YIPF6: variants seen among roughly 807,000 people sequenced by gnomAD.
The protein encoded by YIPF6 is Yip1 domain family member 6.
A neutral mutation model predicts 16.8 loss-of-function variants in YIPF6; 3 were observed. That is an observed-to-expected ratio of 0.18 (90% CI 0.08 to 0.46). The LOEUF is 0.46. Among genes scored for constraint, YIPF6 ranks in the 20% least tolerant of loss-of-function variants. YIPF6 has a pLI of 0.98. For synonymous variants in YIPF6, 67 were observed against 61.9 expected, an observed-to-expected ratio of 1.08 and a Z score of -0.38; for missense variants, 145 against 184.9, an observed-to-expected ratio of 0.78 and a Z score of 1.25.
intron 6 of YIPF6, among the ~76,000 whole-genome samples, chrX:68,531,249 C>T (rs902353567): frequency 5.4e-5 from 6 of 110,907 alleles, no homozygotes; most frequent in Non-Finnish European, 1.1e-4. Flanking sequence ...CTCAGCCACC[C>T]GAGTAGCTGG....
chrX:68,512,577 A>T (rs1021367112), intron 2 of YIPF6, among the ~76,000 whole-genome samples: 6 of 112,486 alleles, frequency 5.3e-5, no homozygotes, highest in Non-Finnish European at 1.1e-4. Flanking sequence ...TTAAAGTATC[A>T]ATATACAAAG....
intron 1 of YIPF6, among the ~76,000 whole-genome samples, chrX:68,503,150 C>T (rs760174899): frequency 2.7e-5 from 3 of 112,149 alleles, no homozygotes; most frequent in Non-Finnish European, 3.8e-5. Context: ...CCCCGTCATC[C>T]ACTCCTGGGA....
At chrX:68,523,141 A>T (rs1602466047) in intron 6 of YIPF6, among the ~76,000 whole-genome samples, 1 of 98,505 alleles carries the variant, frequency 1.0e-5, no homozygotes, top group Non-Finnish European at 2.1e-5. Flanking sequence ...TTCTTTCTTT[A>T]AAAAAAAAAA....
chrX:68,525,804 G>T (rs2079145478), intron 6 of YIPF6, among the ~76,000 whole-genome samples: 1 of 111,406 alleles, frequency 9.0e-6, no homozygotes, highest in Non-Finnish European at 1.9e-5. Flanking sequence ...TGGATGGGAG[G>T]CATTATTTCT....
chrX:68,532,511 G>A lies in YIPF6; in HGVS notation c.*512G>A, dbSNP rs2147828838. 9.2e-6 allele frequency: 1 copy of A among 108,888 alleles called. No individual in the cohort carries two copies. Among genetic ancestry groups the A allele is most frequent in the East Asian group, 2.9e-4 (1 of 3,464 alleles). The allele number at this position is 108,888 out of a possible 1,213,427, so 9.0% of individuals were successfully genotyped here. On this transcript the variant is annotated 3_prime_UTR_variant, in exon 7 of 7. Coordinates refer to ENST00000462683, the MANE Select transcript of YIPF6 (RefSeq NM_173834.4). ...TTAAGCTTAAAAAGGCAATGAGAGAGGTTAGGAGTGGGTTCATACACGGAG... is the reference window on the plus strand; with the variant it reads ...TTAAGCTTAAAAAGGCAATGAGAGAAGTTAGGAGTGGGTTCATACACGGAG...
intron 1 of YIPF6, 62 bp downstream of exon 1, chrX:68,499,185 C>T (rs1464834349): frequency 3.6e-6 from 4 of 1,124,060 alleles, no homozygotes; most frequent in Non-Finnish European, 4.7e-6. Context: ...CTAAAGAAGT[C>T]GGGGGACGGG....
intron 6 of YIPF6, among the ~76,000 whole-genome samples, chrX:68,531,273 C>T (rs975397348): frequency 3.6e-5 from 4 of 110,550 alleles, no homozygotes; most frequent in Non-Finnish European, 7.6e-5. Flanking sequence ...TACAGGTGCC[C>T]GCCACCACAC....
At chrX:68,528,060 C>T (rs1430794708) in intron 6 of YIPF6, among the ~76,000 whole-genome samples, 1 of 111,629 alleles carries the variant, frequency 9.0e-6, no homozygotes, top group African/African-American at 3.3e-5. Flanking sequence ...TCTCGTCTAT[C>T]TGTCTAATAT....
intron 3 of YIPF6, among the ~76,000 whole-genome samples, chrX:68,516,389 A>G (rs1254923359): frequency 9.0e-6 from 1 of 111,388 alleles, no homozygotes; most frequent in African/African-American, 3.3e-5. Context: ...CACGTGAGTA[A>G]TGTGTTGTAC....
chrX:68,530,513 TA>T (rs752572532), intron 6 of YIPF6, among the ~76,000 whole-genome samples: 1 of 109,482 alleles, frequency 9.1e-6, no homozygotes, highest in East Asian at 2.9e-4. Flanking sequence ...CACTAGGGTA[TA>T]AAAAAAAACT....
chrX:68,530,256 T>C (rs2079165845), intron 6 of YIPF6, among the ~76,000 whole-genome samples: 1 of 111,382 alleles, frequency 9.0e-6, no homozygotes, highest in East Asian at 2.9e-4. Context: ...TGTGGCTTTC[T>C]TTACACTGTG....
chrX:68,525,857 T>G (rs1014207302), intron 6 of YIPF6, among the ~76,000 whole-genome samples: 1 of 111,874 alleles, frequency 8.9e-6, no homozygotes, highest in African/African-American at 3.3e-5. Flanking sequence ...TCTGTTTTGG[T>G]ACCAGTACTG....
chrX:68,518,643 A>G (rs2079113420), intron 3 of YIPF6, 127 bp from the exon 4 acceptor site: 1 of 696,465 alleles, frequency 1.4e-6, no homozygotes, highest in East Asian at 3.7e-5. Flanking sequence ...GTGGTGGGAG[A>G]GGAGAGGTAG....
chrX:68,524,137 T>A (rs969106994), intron 6 of YIPF6, among the ~76,000 whole-genome samples: 1 of 111,267 alleles, frequency 9.0e-6, no homozygotes, highest in Non-Finnish European at 1.9e-5. Context: ...CAGACATGAT[T>A]ATTCAGGAAA....
At chrX:68,519,130 C>G (rs936478303) in intron 4 of YIPF6, among the ~76,000 whole-genome samples, 17 of 111,942 alleles carry the variant, frequency 1.5e-4, no homozygotes, top group Non-Finnish European at 1.7e-4. Flanking sequence ...TTTAAGCACC[C>G]TTTGTTTGCA....
At position 68,529,574 on chromosome X, in the gene YIPF6, G is replaced by A. The variant is rs778839960; in HGVS notation, c.593-2307G>A. Among the ~76,000 whole-genome samples the A allele has an allele frequency of 2.6e-4, 29 of 110,985 alleles. No homozygotes were observed. In the Admixed American group the frequency reaches 2.8e-3, roughly 11 times the overall value. On this transcript the variant is annotated intron_variant, in intron 6 of 6. Coordinates refer to ENST00000462683, the MANE Select transcript of YIPF6 (RefSeq NM_173834.4). Reference sequence around the variant, plus strand: ...AGACATTCTGGTTTTTGGAATTTTCGGCCTTTTTGTGCTGGTTTTTCCTCA... The same window carrying A: ...AGACATTCTGGTTTTTGGAATTTTCAGCCTTTTTGTGCTGGTTTTTCCTCA...
chrX:68,517,377 G>T lies in YIPF6; in HGVS notation c.266-1393G>T, dbSNP rs771020986. ...GCCCAGGCAGGTCTCAAACTCCTGAGCTCAGGCCATCCGCCCGCCTCGGCC... is the reference window on the plus strand; with the variant it reads ...GCCCAGGCAGGTCTCAAACTCCTGATCTCAGGCCATCCGCCCGCCTCGGCC... On this transcript the variant is annotated intron_variant, in intron 3 of 6. Transcript: ENST00000462683. Among the ~76,000 whole-genome samples the T allele has an allele frequency of 2.7e-5, 3 of 110,871 alleles. No individual in the cohort carries two copies. In the East Asian group the frequency reaches 8.7e-4, roughly 32 times the overall value.
intron 6 of YIPF6, among the ~76,000 whole-genome samples, chrX:68,525,868 T>A (rs181206726): frequency 1.8e-5 from 2 of 111,947 alleles, no homozygotes; most frequent in Admixed American, 1.9e-4. Context: ...ACCAGTACTG[T>A]GCTGTTTTGG....
intron 1 of YIPF6, among the ~76,000 whole-genome samples, chrX:68,504,303 T>C (rs1016765515): frequency 3.6e-5 from 4 of 111,284 alleles, no homozygotes; most frequent in African/African-American, 1.3e-4. Flanking sequence ...TGGGGTTTCA[T>C]TATGATTAAT....
Sources: allele counts gnomAD v4.1 joint callset (sites outside exome capture counted in the v4.1 genomes callset), GRCh38; gene constraint gnomAD v4.1.1; transcripts MANE v1.5; gene names NCBI Gene and HGNC (gene_info 2026-07-23, HGNC 2026-07-21).